The following SLC38A9 variants were observed in gnomAD, a reference collection of about 807,000 sequenced individuals.
The protein encoded by SLC38A9 is solute carrier family 38 member 9.
In SLC38A9, 48 loss-of-function variants were observed where a neutral mutation model predicts 62.3. That is an observed-to-expected ratio of 0.77 (90% CI 0.61 to 0.98). SLC38A9 has a LOEUF of 0.98. SLC38A9 is among the 50% of genes least tolerant of loss of function. The pLI is 0.00. For missense variants in SLC38A9, 541 were observed against 679.8 expected, an observed-to-expected ratio of 0.80 and a Z score of 2.27; for synonymous variants, 204 against 227.7, an observed-to-expected ratio of 0.90 and a Z score of 0.94.
intron 2 of SLC38A9, among the ~76,000 whole-genome samples, chr5:55,705,439 C>CAAAAAAAAA (rs67490309): frequency 1.0e-4 from 13 of 125,470 alleles, no homozygotes; most frequent in East Asian, 4.5e-4. Flanking sequence ...CTTCATATTA[C>CAAAAAAAAA]AAAAAAAAAA....
chr5:55,653,172 G>A (rs1430541938), intron 9 of SLC38A9, among the ~76,000 whole-genome samples: 2 of 152,012 alleles, frequency 1.3e-5, no homozygotes, highest in African/African-American at 4.8e-5. Flanking sequence ...TTACCATGTT[G>A]GTCAGGCTGG....
Position 55,672,715 on chromosome 5 carries a change from T to A in SLC38A9, c.114-20A>T. ...AAAGGCCTACAAAGGGAATATACACTTGACAAAAAGTGTTCAGCCAAAAAT... is the reference window on the plus strand; with the variant it reads ...AAAGGCCTACAAAGGGAATATACACATGACAAAAAGTGTTCAGCCAAAAAT... On this transcript the variant is annotated intron_variant, in intron 3 of 15. Coordinates refer to ENST00000396865, the MANE Select transcript of SLC38A9 (RefSeq NM_173514.4). The A allele has an allele frequency of 6.3e-7, 1 of 1,594,848 alleles. No homozygotes were observed. Among genetic ancestry groups the A allele is most frequent in the Non-Finnish European group, 8.5e-7 (1 of 1,172,688 alleles).
chr5:55,655,257 A>ATAAGG, intron 9 of SLC38A9, among the ~76,000 whole-genome samples: 1 of 151,554 alleles, frequency 6.6e-6, no homozygotes, highest in Non-Finnish European at 1.5e-5. Context: ...ATATCACTAT[A>ATAAGG]TAAACTGACT....
chr5:55,641,470 G>A (rs34320099), intron 12 of SLC38A9, among the ~76,000 whole-genome samples: 8,117 of 152,264 alleles, frequency 0.053, 493 homozygotes, highest in East Asian at 0.24. Context: ...CTGAATGCAC[G>A]TTGATAAGCT....
intron 3 of SLC38A9, among the ~76,000 whole-genome samples, chr5:55,678,290 A>C (rs1752485389): frequency 6.6e-6 from 1 of 151,978 alleles, no homozygotes; most frequent in African/African-American, 2.4e-5. Flanking sequence ...GGCATGTGCC[A>C]CCACACCCAG....
At chr5:55,634,334 A>C (rs1418213414) in intron 13 of SLC38A9, 1 of 153,658 alleles carries the variant, frequency 6.5e-6, no homozygotes, top group African/African-American at 2.4e-5. Context: ...CCTCTGAAGC[A>C]CTGTAAGCAC....
chr5:55,693,001 G>T, intron 3 of SLC38A9: 2 of 984,128 alleles, frequency 2.0e-6, no homozygotes, highest in Non-Finnish European at 2.4e-6. Flanking sequence ...AAGTATGTGC[G>T]AATGAAAATA....
chr5:55,704,064 A>C (rs1756996752), intron 2 of SLC38A9: 1 of 152,332 alleles, frequency 6.6e-6, no homozygotes, highest in Non-Finnish European at 1.5e-5. Context: ...GCTACTCAGG[A>C]GGCTGAGGTG....
chr5:55,637,282 T>C (rs951907200), intron 12 of SLC38A9, among the ~76,000 whole-genome samples: 1 of 152,180 alleles, frequency 6.6e-6, no homozygotes, highest in African/African-American at 2.4e-5. Context: ...ATAGCATACC[T>C]AGGGGGAAAT....
intron 3 of SLC38A9, among the ~76,000 whole-genome samples, chr5:55,681,097 A>G (rs1291413855): frequency 2.0e-5 from 3 of 152,240 alleles, no homozygotes; most frequent in Admixed American, 6.5e-5. Context: ...TAGAAGTATA[A>G]GTTGGCACAA....
chr5:55,639,340 G>T (rs1298444943), intron 12 of SLC38A9, among the ~76,000 whole-genome samples: 2 of 149,926 alleles, frequency 1.3e-5, no homozygotes, highest in African/African-American at 4.9e-5. Context: ...ACTGCATTTC[G>T]TGGGAAAAAA....
intron 9 of SLC38A9, among the ~76,000 whole-genome samples, chr5:55,653,265 C>T (rs557230693): frequency 2.6e-5 from 4 of 152,268 alleles, no homozygotes; most frequent in African/African-American, 9.6e-5. Context: ...CTGCGCCCAG[C>T]CCTGAGATAT....
At chr5:55,679,162 G>C (rs4865970) in intron 3 of SLC38A9, among the ~76,000 whole-genome samples, 82,924 of 151,794 alleles carry the variant, frequency 0.55, 23,992 homozygotes, top group South Asian at 0.65. Context: ...AAGTATAGAA[G>C]TATATGTACA....
intron 3 of SLC38A9, among the ~76,000 whole-genome samples, chr5:55,677,876 C>T (rs971102662): frequency 9.4e-5 from 14 of 149,044 alleles, no homozygotes; most frequent in African/African-American, 3.5e-4. Flanking sequence ...AACAGAGAAA[C>T]TTGCCACCTT....
intron 2 of SLC38A9, among the ~76,000 whole-genome samples, chr5:55,710,086 GA>G (rs11394301): frequency 9.3e-5 from 11 of 118,902 alleles, no homozygotes; most frequent in African/African-American, 1.6e-4. Context: ...AAAAAAAAAA[GA>G]AAAAAAAAAG....
chr5:55,680,742 A>G (rs1306802652), intron 3 of SLC38A9, among the ~76,000 whole-genome samples: 2 of 152,258 alleles, frequency 1.3e-5, no homozygotes, highest in Non-Finnish European at 2.9e-5. Flanking sequence ...AAAGGCAGAC[A>G]GACAAAGAGA....
intron 2 of SLC38A9, among the ~76,000 whole-genome samples, chr5:55,701,110 T>C (rs1756585962): frequency 6.6e-6 from 1 of 152,168 alleles, no homozygotes; most frequent in Non-Finnish European, 1.5e-5. Context: ...GTGCTCAAAA[T>C]CCACATGTGG....
intron 14 of SLC38A9, among the ~76,000 whole-genome samples, chr5:55,630,380 C>T (rs1743220967): frequency 1.3e-5 from 2 of 151,828 alleles, no homozygotes; most frequent in Admixed American, 6.6e-5. Flanking sequence ...TGCAGTGGTG[C>T]CATCTTGGCT....
intron 12 of SLC38A9, 29 bp downstream of exon 12, chr5:55,645,760 A>G: frequency 6.7e-7 from 1 of 1,492,600 alleles, no homozygotes; most frequent in Non-Finnish European, 9.3e-7. Flanking sequence ...CGGGAGATAC[A>G]AAAGTCAATT....
Sources: allele counts gnomAD v4.1 joint callset (sites outside exome capture counted in the v4.1 genomes callset), GRCh38; gene constraint gnomAD v4.1.1; transcripts MANE v1.5; gene names NCBI Gene and HGNC (gene_info 2026-07-23, HGNC 2026-07-21).